The following EXT1 variants were observed in gnomAD, a reference collection of about 807,000 sequenced individuals.
The protein encoded by EXT1 is exostosin glycosyltransferase 1, also known as exostosin-1.
A neutral mutation model predicts 82.5 loss-of-function variants in EXT1; 20 were observed. That is an observed-to-expected ratio of 0.24 (90% CI 0.17 to 0.35). The LOEUF is 0.35. EXT1 is among the 10% of genes least tolerant of loss of function. The probability of loss-of-function intolerance (pLI) is 1.00; values close to 1 mark genes in which losing one functional copy is unlikely to be tolerated. For missense variants in EXT1, 757 were observed against 936.5 expected (o/e 0.81, Z 2.50); for synonymous variants, 348 against 350.8 (o/e 0.99, Z 0.09).
chr8:117,999,368 T>C (rs917808608), intron 1 of EXT1, among the ~76,000 whole-genome samples: 1 of 152,180 alleles, frequency 6.6e-6, no homozygotes, highest in Non-Finnish European at 1.5e-5. Flanking sequence ...AAAGGGCAAA[T>C]CTTCTAGAAA....
At chr8:117,807,095 G>A (rs1823248845) in intron 9 of EXT1, 122 bp downstream of exon 9, 20 of 1,188,646 alleles carry the variant, frequency 1.7e-5, no homozygotes, top group African/African-American at 3.0e-5. Context: ...CAAAACTTAA[G>A]CGGGGATACA....
chr8:117,899,288 G>A (rs1813399392), intron 1 of EXT1, among the ~76,000 whole-genome samples: 1 of 151,986 alleles, frequency 6.6e-6, no homozygotes, highest in African/African-American at 2.4e-5. Flanking sequence ...TACAACTCTA[G>A]AAGTTGGGAG....
intron 1 of EXT1, among the ~76,000 whole-genome samples, chr8:117,879,942 A>G (rs887535524): frequency 1.3e-5 from 2 of 152,246 alleles, no homozygotes; most frequent in African/African-American, 4.8e-5. Flanking sequence ...CATTTATGTT[A>G]ATTTATAAAT....
At chr8:117,900,463 C>T (rs990492600) in intron 1 of EXT1, among the ~76,000 whole-genome samples, 4 of 152,126 alleles carry the variant, frequency 2.6e-5, no homozygotes, top group South Asian at 2.1e-4. Context: ...TGACTAAGAA[C>T]GGTGGGATAC....
In EXT1 at chr8:117,983,001, G is replaced by A. The variant is rs944712853; in HGVS notation, c.962+127084C>T. On this transcript the variant is annotated intron_variant, in intron 1 of 10. Transcript: ENST00000378204. ...TCCCCAGCACCATTCTCCTGCTCTT[G>A]ACTTAAATGTTGTTGACACTTCTTC... Among the ~76,000 whole-genome samples, 6 of 152,094 alleles carry A rather than the reference G, an allele frequency of 3.9e-5. 1 individual carries two copies. Among genetic ancestry groups the A allele is most frequent in the Admixed American group, 2.6e-4 (4 of 15,264 alleles).
At chr8:117,946,523 A>C (rs1814391930) in intron 1 of EXT1, among the ~76,000 whole-genome samples, 1 of 152,186 alleles carries the variant, frequency 6.6e-6, no homozygotes, top group Non-Finnish European at 1.5e-5. Flanking sequence ...CAGACAGACC[A>C]GGGCCTGCCA....
At chr8:117,909,076 G>C (rs1813595787) in intron 1 of EXT1, among the ~76,000 whole-genome samples, 2 of 151,804 alleles carry the variant, frequency 1.3e-5, no homozygotes. Context: ...AGGTTGAAGT[G>C]AACCGAGATC....
At chr8:117,910,578 TAGG>T (rs1335931949) in intron 1 of EXT1, among the ~76,000 whole-genome samples, 1 of 151,734 alleles carries the variant, frequency 6.6e-6, no homozygotes, top group Non-Finnish European at 1.5e-5. Flanking sequence ...AATCATGAAA[TAGG>T]AGGAGGGAGG....
chr8:117,961,552 T>A (rs1814700191), intron 1 of EXT1, among the ~76,000 whole-genome samples: 2 of 152,242 alleles, frequency 1.3e-5, no homozygotes, highest in Non-Finnish European at 2.9e-5. Context: ...TCTATACTTC[T>A]GAATTCTCTA....
At chr8:117,985,728 G>A (rs925104793) in intron 1 of EXT1, among the ~76,000 whole-genome samples, 5 of 152,110 alleles carry the variant, frequency 3.3e-5, no homozygotes, top group East Asian at 3.8e-4. Flanking sequence ...TGAAGCAATC[G>A]GAAGGGAGTA....
intron 1 of EXT1, among the ~76,000 whole-genome samples, chr8:118,084,811 C>G (rs544629739): frequency 1.3e-5 from 2 of 152,322 alleles, no homozygotes; most frequent in Non-Finnish European, 2.9e-5. Flanking sequence ...GTCTCACTTT[C>G]CTCATCCGTA....
intron 1 of EXT1, among the ~76,000 whole-genome samples, chr8:117,964,985 A>T (rs1446464388): frequency 1.3e-5 from 2 of 152,132 alleles, no homozygotes; most frequent in Non-Finnish European, 2.9e-5. Context: ...GCCTAGAAGG[A>T]TGTCTCCTGA....
intron 1 of EXT1, among the ~76,000 whole-genome samples, chr8:117,875,661 T>C (rs1812956391): frequency 6.6e-6 from 1 of 152,062 alleles, no homozygotes; most frequent in African/African-American, 2.4e-5. Context: ...TCCACGGTAT[T>C]CAAGTTTCTA....
At chr8:117,886,719 C>T (rs1381340711) in intron 1 of EXT1, among the ~76,000 whole-genome samples, 1 of 152,168 alleles carries the variant, frequency 6.6e-6, no homozygotes, top group African/African-American at 2.4e-5. Context: ...TCTGCCTGTT[C>T]GTCTCATTCC....
chr8:118,105,805 A>G (rs1340150827), intron 1 of EXT1, among the ~76,000 whole-genome samples: 1 of 152,240 alleles, frequency 6.6e-6, no homozygotes, highest in African/African-American at 2.4e-5. Context: ...TCTAAGGTTC[A>G]CTGCTGGATC....
intron 1 of EXT1, among the ~76,000 whole-genome samples, chr8:117,981,169 C>G (rs1443107301): frequency 6.6e-6 from 1 of 152,152 alleles, no homozygotes; most frequent in Non-Finnish European, 1.5e-5. Context: ...TCAAAAACAA[C>G]TATCTCTTTA....
At chr8:117,896,757 T>C (rs1311234086) in intron 1 of EXT1, among the ~76,000 whole-genome samples, 2 of 152,232 alleles carry the variant, frequency 1.3e-5, no homozygotes, top group Non-Finnish European at 2.9e-5. Flanking sequence ...GGTTCTTATC[T>C]AGGCTTTAGC....
intron 1 of EXT1, among the ~76,000 whole-genome samples, chr8:118,015,243 G>A (rs1377594804): frequency 6.6e-6 from 1 of 152,202 alleles, no homozygotes; most frequent in East Asian, 1.9e-4. Context: ...GGCAATTCAT[G>A]TGCTCTCAAG....
intron 1 of EXT1, among the ~76,000 whole-genome samples, chr8:118,083,798 C>T (rs1349922337): frequency 1.3e-5 from 2 of 152,152 alleles, no homozygotes; most frequent in African/African-American, 2.4e-5. Flanking sequence ...GAGGCCAAGA[C>T]GAGCAGATCA....
Sources: gnomAD v4.1 joint callset for allele counts (sites outside exome capture counted in the v4.1 genomes callset) on GRCh38, gnomAD v4.1.1 for gene constraint, MANE v1.5 for transcripts, NCBI Gene and HGNC (gene_info 2026-07-23, HGNC 2026-07-21) for gene names.